The following PLA2G10 variants were observed in gnomAD, a reference collection of about 807,000 sequenced individuals.
The protein encoded by PLA2G10 is group 10 secretory phospholipase A2.
PLA2G10 carries 9 observed loss-of-function variants against 7.9 expected under a neutral mutation model. The observed-to-expected ratio is 1.14, with a 90% CI of 0.68 to 1.98. PLA2G10 has a LOEUF of 1.98. Ranked by LOEUF, PLA2G10 falls within the 30% of genes most tolerant of loss-of-function variation. The pLI, the probability that PLA2G10 is intolerant of heterozygous loss-of-function variation, is 0.00. For missense variants in PLA2G10, 53 were observed against 65.4 expected, an observed-to-expected ratio of 0.81 and a Z score of 0.66; for synonymous variants, 19 against 27.5, an observed-to-expected ratio of 0.69 and a Z score of 0.97.
At chr16:14,675,460 A>C (rs1960700605) in intron 3 of PLA2G10, among the ~76,000 whole-genome samples, 1 of 152,126 alleles carries the variant, frequency 6.6e-6, no homozygotes, top group Non-Finnish European at 1.5e-5. Context: ...AACAAAACAA[A>C]AATAAATAAA....
At chr16:14,686,870 C>T (rs1961085024) in intron 3 of PLA2G10, among the ~76,000 whole-genome samples, 1 of 152,088 alleles carries the variant, frequency 6.6e-6, no homozygotes, top group Non-Finnish European at 1.5e-5. Context: ...CTTTGAGAGG[C>T]TGAGGCGGGT....
intron 3 of PLA2G10, among the ~76,000 whole-genome samples, chr16:14,680,257 C>G (rs549686273): frequency 2.6e-5 from 4 of 151,986 alleles, no homozygotes; most frequent in African/African-American, 9.7e-5. Context: ...CCTGCCACCA[C>G]GACCGGCTAA....
intron 3 of PLA2G10, among the ~76,000 whole-genome samples, chr16:14,687,071 G>A (rs1165283921): frequency 1.3e-5 from 2 of 151,196 alleles, no homozygotes; most frequent in Middle Eastern, 3.2e-3. Context: ...ACATGCCATT[G>A]CACTCCAGCC....
intron 3 of PLA2G10, among the ~76,000 whole-genome samples, chr16:14,686,746 T>C (rs60171119): frequency 3.9e-5 from 6 of 151,940 alleles, no homozygotes; most frequent in Non-Finnish European, 8.8e-5. Flanking sequence ...CCACCTGCCT[T>C]GGCCTCCCAA....
chr16:14,672,695 G>C lies in PLA2G10; in HGVS notation c.410C>G (p.Ala137Gly). The C allele has an allele frequency of 1.2e-6, 2 of 1,614,040 alleles. No homozygotes were observed. The highest frequency in any genetic ancestry group is 1.7e-6 in the Non-Finnish European group (2 of 1,179,922). The change falls in exon 4 of 4, where the codon GCT (alanine) becomes GGT (glycine). Residue 137 changes from alanine to glycine, a missense_variant. Ala to Gly is a moderately conservative substitution (Grantham distance 60). Transcript: ENST00000438167. The stretch of plus-strand genomic sequence containing the variant: ...GTACTCAGTTTGGGCTAAGCAGTTA[G>C]CAATCTCCTGGTCACACTTGCACAA... ...ELLCKCDQEI[A>G]NCLAQTEYNL... is the part of the protein sequence containing the mutation.
At chr16:14,677,708 A>C (rs1482311800) in intron 3 of PLA2G10, among the ~76,000 whole-genome samples, 1 of 151,836 alleles carries the variant, frequency 6.6e-6, no homozygotes, top group Middle Eastern at 3.2e-3. Context: ...TCAAGCAGGC[A>C]CTCCCCATGG....
At chr16:14,682,197 T>TA (rs921881456) in intron 3 of PLA2G10, among the ~76,000 whole-genome samples, 3 of 152,154 alleles carry the variant, frequency 2.0e-5, no homozygotes, top group African/African-American at 7.2e-5. Flanking sequence ...TGTTCAGGCC[T>TA]AAAAATTGAT....
chr16:14,677,010 T>C (rs1960742238), intron 3 of PLA2G10, among the ~76,000 whole-genome samples: 1 of 152,180 alleles, frequency 6.6e-6, no homozygotes, highest in Non-Finnish European at 1.5e-5. Flanking sequence ...GGGTACAATG[T>C]AGACTACTTG....
intron 3 of PLA2G10, among the ~76,000 whole-genome samples, chr16:14,675,932 C>T (rs1030024615): frequency 2.1e-5 from 1 of 46,684 alleles, no homozygotes; most frequent in Non-Finnish European, 4.7e-5. Flanking sequence ...GAGCAAGACT[C>T]AAAAAAAAAA....
intron 3 of PLA2G10, among the ~76,000 whole-genome samples, chr16:14,683,513 G>A (rs1365600467): frequency 6.6e-6 from 1 of 152,096 alleles, no homozygotes; most frequent in African/African-American, 2.4e-5. Context: ...TAGGATTACA[G>A]GTGTGAGCCA....
At chr16:14,678,649 G>T in intron 3 of PLA2G10, 1 of 340,212 alleles carries the variant, frequency 2.9e-6, no homozygotes, top group South Asian at 2.2e-5. Context: ...ACATACCTGT[G>T]ATTCCAGCTA....
At chr16:14,683,471 G>A (rs1300035587) in intron 3 of PLA2G10, among the ~76,000 whole-genome samples, 1 of 151,854 alleles carries the variant, frequency 6.6e-6, no homozygotes, top group African/African-American at 2.4e-5. Context: ...CCTGAGTTCA[G>A]GCAATCCATC....
At chr16:14,683,535 G>A (rs117339225) in intron 3 of PLA2G10, among the ~76,000 whole-genome samples, 4,548 of 151,948 alleles carry the variant, frequency 0.03, 101 homozygotes, top group Non-Finnish European at 0.05. Flanking sequence ...CACTCCTGGC[G>A]GTGATTTTCA....
chr16:14,687,769 G>A (rs1310933380), intron 3 of PLA2G10, among the ~76,000 whole-genome samples: 1 of 151,780 alleles, frequency 6.6e-6, no homozygotes, highest in East Asian at 1.9e-4. Context: ...GGCCGAGGCG[G>A]GCAGAGCACT....
intron 3 of PLA2G10, among the ~76,000 whole-genome samples, chr16:14,679,253 G>A (rs544005196): frequency 2.6e-5 from 4 of 152,178 alleles, no homozygotes; most frequent in African/African-American, 9.6e-5. Flanking sequence ...ATCACCCCAG[G>A]CTGAGCATGG....
chr16:14,680,101 CTTTTTTT>C (rs34700124), intron 3 of PLA2G10, among the ~76,000 whole-genome samples: 71 of 139,608 alleles, frequency 5.1e-4, no homozygotes, highest in Admixed American at 9.6e-4. Context: ...TTTTGCTTTT[CTTTTTTT>C]TTTTTTTTGA....
chr16:14,684,901 G>A (rs1000807353), intron 3 of PLA2G10, among the ~76,000 whole-genome samples: 18 of 152,050 alleles, frequency 1.2e-4, no homozygotes, highest in Admixed American at 1.2e-3. Flanking sequence ...TTGAAACCAG[G>A]TACTCAAATA....
intron 3 of PLA2G10, among the ~76,000 whole-genome samples, chr16:14,683,829 A>G (rs1215230427): frequency 6.6e-6 from 1 of 152,190 alleles, no homozygotes; most frequent in Non-Finnish European, 1.5e-5. Flanking sequence ...AACTTCATCA[A>G]ACTTAAACAG....
At chr16:14,676,581 C>T (rs865812689) in intron 3 of PLA2G10, among the ~76,000 whole-genome samples, 67 of 151,920 alleles carry the variant, frequency 4.4e-4, no homozygotes, top group Admixed American at 1.7e-3. Context: ...TGGGAGGCTA[C>T]GGCAGGAGAA....
Sources: allele counts gnomAD v4.1 joint callset (sites outside exome capture counted in the v4.1 genomes callset), GRCh38; gene constraint gnomAD v4.1.1; transcripts MANE v1.5; gene names NCBI Gene and HGNC (gene_info 2026-07-23, HGNC 2026-07-21).